The following TECRL variants were observed in gnomAD, a reference collection of about 807,000 sequenced individuals.
TECRL encodes trans-2,3-enoyl-CoA reductase-like.
Under a neutral mutation model 52.8 loss-of-function variants are expected in TECRL, and 63 were observed. The ratio of observed to expected loss-of-function variants is 1.19; its 90% CI spans 0.97 to 1.47. TECRL has a LOEUF of 1.47. Ranked by LOEUF, TECRL falls within the 40% of genes most tolerant of loss-of-function variation. TECRL has a pLI of 0.00. For synonymous variants in TECRL, 164 were observed against 141.9 expected, an observed-to-expected ratio of 1.16 and a Z score of -1.10; for missense variants, 482 against 429.6, an observed-to-expected ratio of 1.12 and a Z score of -1.08.
intron 1 of TECRL, among the ~76,000 whole-genome samples, chr4:64,399,653 A>T (rs1445080374): frequency 6.6e-6 from 1 of 152,156 alleles, no homozygotes; most frequent in Non-Finnish European, 1.5e-5. Flanking sequence ...TGGCTGCTGG[A>T]GCTTCAACCC....
intron 2 of TECRL, among the ~76,000 whole-genome samples, chr4:64,359,419 A>G (rs867357257): frequency 1.1e-4 from 17 of 152,182 alleles, no homozygotes; most frequent in African/African-American, 4.1e-4. Context: ...TGATTCTGCT[A>G]TAAATAGACT....
At chr4:64,346,205 C>T (rs1719969240) in intron 2 of TECRL, among the ~76,000 whole-genome samples, 1 of 152,148 alleles carries the variant, frequency 6.6e-6, no homozygotes, top group Admixed American at 6.5e-5. Flanking sequence ...ATGAAAGAAG[C>T]ATCTGTGGCT....
intron 11 of TECRL, 39 bp downstream of exon 11, chr4:64,281,002 C>A (rs1722795484): frequency 1.4e-6 from 2 of 1,459,112 alleles, no homozygotes; most frequent in Non-Finnish European, 1.9e-6. Context: ...CTTAAAGATG[C>A]ATTTATTTTG....
At chr4:64,301,818 A>T (rs1183521159) in intron 7 of TECRL, among the ~76,000 whole-genome samples, 1 of 151,218 alleles carries the variant, frequency 6.6e-6, no homozygotes, top group Non-Finnish European at 1.5e-5. Context: ...ATGAATAATG[A>T]TGTGATAAAA....
At chr4:64,353,508 G>C (rs1484942952) in intron 2 of TECRL, among the ~76,000 whole-genome samples, 12 of 152,110 alleles carry the variant, frequency 7.9e-5, no homozygotes, top group Non-Finnish European at 1.8e-4. Context: ...TGGATAATTG[G>C]ATATAGAATG....
At chr4:64,390,763 A>T (rs2109745441) in intron 1 of TECRL, among the ~76,000 whole-genome samples, 1 of 151,994 alleles carries the variant, frequency 6.6e-6, no homozygotes, top group Non-Finnish European at 1.5e-5. Context: ...CTGAGAGATA[A>T]CAGATTTAAA....
chr4:64,323,549 T>G (rs766122221), intron 3 of TECRL, among the ~76,000 whole-genome samples: 4 of 152,298 alleles, frequency 2.6e-5, no homozygotes, highest in Non-Finnish European at 4.4e-5. Flanking sequence ...GTAATTTATC[T>G]TTTTAAAATA....
At chr4:64,343,575 CACACACACAG>C (rs1719733932) in intron 2 of TECRL, among the ~76,000 whole-genome samples, 1 of 151,546 alleles carries the variant, frequency 6.6e-6, no homozygotes, top group South Asian at 2.1e-4. Flanking sequence ...TAAACATGCA[CACACACACAG>C]ACACACACAC....
At chr4:64,285,107 TAC>T (rs772837895) in intron 9 of TECRL, among the ~76,000 whole-genome samples, 1 of 152,120 alleles carries the variant, frequency 6.6e-6, no homozygotes. Flanking sequence ...GGAATATATA[TAC>T]TTTGTAGTTT....
intron 1 of TECRL, among the ~76,000 whole-genome samples, chr4:64,403,353 C>G (rs1724488322): frequency 6.6e-6 from 1 of 151,634 alleles, no homozygotes; most frequent in Admixed American, 6.6e-5. Flanking sequence ...ACAGGAATCT[C>G]CAACTTAAAA....
At chr4:64,377,428 A>C (rs1162038997) in intron 1 of TECRL, among the ~76,000 whole-genome samples, 1 of 152,074 alleles carries the variant, frequency 6.6e-6, no homozygotes, top group Non-Finnish European at 1.5e-5. Context: ...CAGGGAGTTT[A>C]GTTATCATAA....
chr4:64,367,757 T>C (rs550340304), intron 2 of TECRL, among the ~76,000 whole-genome samples: 3 of 152,266 alleles, frequency 2.0e-5, no homozygotes, highest in South Asian at 2.1e-4. Flanking sequence ...GTATGTAGTA[T>C]GCTAAATAAA....
intron 2 of TECRL, among the ~76,000 whole-genome samples, chr4:64,342,921 A>G (rs766719013): frequency 5.4e-4 from 82 of 152,178 alleles, no homozygotes; most frequent in Non-Finnish European, 2.2e-4. Flanking sequence ...CTATGAAAAT[A>G]CAAGGTTATA....
At position 64,294,771 on chromosome 4, in the gene TECRL, GTAA is replaced by G. The variant is rs1276889547; in HGVS notation, c.775-5007_775-5005del. 1.2e-4 allele frequency among the ~76,000 whole-genome samples: 18 copies of G among 152,048 alleles called. No homozygotes were observed. The East Asian group carries it at 3.5e-3, about 29-fold the overall frequency. On this transcript the variant is annotated intron_variant, in intron 8 of 11. Transcript: ENST00000381210. Reference sequence around the variant, plus strand: ...TATTTTATCTATAGCAACAATAATAGTAATAATAATAATTATATCTGTTTTATT... The same window carrying G: ...TATTTTATCTATAGCAACAATAATAGTAATAATAATTATATCTGTTTTATT...
chr4:64,357,667 G>C (rs1720865108), intron 2 of TECRL, among the ~76,000 whole-genome samples: 3 of 151,276 alleles, frequency 2.0e-5, no homozygotes, highest in African/African-American at 7.3e-5. Context: ...ATAAATTATA[G>C]ATACTCAGAT....
chr4:64,317,766 AT>A (rs1318610588), intron 4 of TECRL, among the ~76,000 whole-genome samples: 1 of 152,208 alleles, frequency 6.6e-6, no homozygotes, highest in Non-Finnish European at 1.5e-5. Context: ...TGATCAAAAT[AT>A]TTTTAAAAAG....
At chr4:64,382,264 TTA>T in intron 1 of TECRL, among the ~76,000 whole-genome samples, 1 of 143,630 alleles carries the variant, frequency 7.0e-6, no homozygotes, top group East Asian at 2.0e-4. Flanking sequence ...ATATATTATG[TTA>T]TATATTATAT....
Position 64,280,119 on chromosome 4 carries a change from T to A in TECRL, c.1045A>T (p.Asn349Tyr). The A allele has an allele frequency of 6.2e-7, 1 of 1,604,606 alleles. No individual in the cohort carries two copies. Among genetic ancestry groups the A allele is most frequent in the Non-Finnish European group, 8.5e-7 (1 of 1,175,740 alleles). ...KKHKIYLRKF[N>Y]SYIHRKSAMI... ...GCTGATTTTCTATGAATATATGAAT[T>A]GAATTTTCTCAGATAAATCTTATGT... The change falls in exon 12 of 12, where the codon AAT becomes TAT. Residue 349 changes from asparagine to tyrosine, a missense_variant. Coordinates refer to ENST00000381210, the MANE Select transcript of TECRL (RefSeq NM_001010874.5).
At chr4:64,339,096 T>C (rs1207079736) in intron 2 of TECRL, among the ~76,000 whole-genome samples, 1 of 151,888 alleles carries the variant, frequency 6.6e-6, no homozygotes, top group Non-Finnish European at 1.5e-5. Context: ...TGGAATACTA[T>C]GTAGCCATAA....
Sources: gnomAD v4.1 joint callset for allele counts (sites outside exome capture counted in the v4.1 genomes callset) on GRCh38, gnomAD v4.1.1 for gene constraint, MANE v1.5 for transcripts, NCBI Gene and HGNC (gene_info 2026-07-23, HGNC 2026-07-21) for gene names.